CSMD2: variants seen among roughly 807,000 people sequenced by gnomAD.
CSMD2 encodes the protein CUB and sushi domain-containing protein 2.
A neutral mutation model predicts 398.5 loss-of-function variants in CSMD2; 130 were observed. The observed-to-expected ratio is 0.33, with a 90% CI of 0.28 to 0.38. CSMD2 has a LOEUF of 0.38. Ranked by LOEUF, CSMD2 falls within the 10% of genes least tolerant of loss-of-function variation. CSMD2 has a pLI of 1.00. For synonymous variants in CSMD2, 1,828 were observed against 1,908.5 expected, an observed-to-expected ratio of 0.96 and a Z score of 1.10; for missense variants, 3,829 against 4,764.9, an observed-to-expected ratio of 0.80 and a Z score of 5.78.
chr1:33,577,173 T>C (rs780634821), intron 49 of CSMD2, 123 bp downstream of exon 49: 2 of 920,350 alleles, frequency 2.2e-6, no homozygotes, highest in South Asian at 1.8e-5. Flanking sequence ...TAAATGCTTG[T>C]GGAAAGAATG....
rs1557606648 is a variant in CSMD2 at position 33,604,212 on chromosome 1, G to T, written c.6532+1070C>A. On this transcript the variant is annotated intron_variant, in intron 42 of 70. Coordinates refer to ENST00000373381, the MANE Select transcript of CSMD2 (RefSeq NM_001281956.2). Reference sequence around the variant, plus strand: ...AAACAAGGTGTGAGAATGGAAGAAAGCCCAGGATGAGGCTTGTTGCACAGC... The same window carrying T: ...AAACAAGGTGTGAGAATGGAAGAAATCCCAGGATGAGGCTTGTTGCACAGC... Among the ~76,000 whole-genome samples the T allele has an allele frequency of 2.6e-5, 4 of 152,328 alleles. No homozygotes were observed. In the South Asian group the frequency reaches 8.3e-4, roughly 32 times the overall value.
Position 33,716,355 on chromosome 1 carries a change from A to T in CSMD2, c.3148T>A (p.Phe1050Ile), listed in dbSNP as rs1010148664. The T allele has an allele frequency of 6.2e-6, 10 of 1,614,044 alleles. No individual in the cohort carries two copies. Among genetic ancestry groups the T allele is most frequent in the Non-Finnish European group, 8.5e-6 (10 of 1,180,026 alleles). ...APISAGLYGN[F>I]TAQVRFISDF... ...GAGATGAAGCGGACCTGGGCAGTGA[A>T]GTTGCCATAGAGCCCAGCGCTGATG... The change falls in exon 20 of 71, where the codon TTC (phenylalanine) becomes ATC (isoleucine). Residue 1050 changes from phenylalanine (F) to isoleucine (I), a missense_variant. By Grantham distance (21) the Phe-to-Ile change is conservative. This residue lies in a region of CSMD2 where 2,001 missense variants were observed against 2,567.1 expected (regional missense o/e 0.78). Transcript: ENST00000373381.
At chr1:33,913,200 G>A (rs1371816931) in intron 5 of CSMD2, among the ~76,000 whole-genome samples, 1 of 152,184 alleles carries the variant, frequency 6.6e-6, no homozygotes. Context: ...CTTGCCAAGT[G>A]CAGCTCTGGG....
chr1:33,758,139 C>T (rs955171683), intron 13 of CSMD2, among the ~76,000 whole-genome samples: 3 of 152,196 alleles, frequency 2.0e-5, no homozygotes, highest in African/African-American at 4.8e-5. Context: ...CCCCACCCTC[C>T]CCTATTGCAC....
intron 5 of CSMD2, among the ~76,000 whole-genome samples, chr1:33,915,503 C>T (rs1643676954): frequency 6.6e-6 from 1 of 152,176 alleles, no homozygotes; most frequent in East Asian, 1.9e-4. Context: ...AGTGACTCCC[C>T]TAATAATTTC....
At chr1:33,695,206 G>T (rs899777621) in intron 24 of CSMD2, among the ~76,000 whole-genome samples, 5 of 152,108 alleles carry the variant, frequency 3.3e-5, no homozygotes, top group Non-Finnish European at 7.4e-5. Flanking sequence ...TGGAGGCTGG[G>T]GTATGAGATA....
At chr1:33,986,632 T>G (rs1646367503) in intron 3 of CSMD2, among the ~76,000 whole-genome samples, 1 of 152,314 alleles carries the variant, frequency 6.6e-6, no homozygotes, top group South Asian at 2.1e-4. Context: ...ACTTCTGGCC[T>G]CTGTCTGTGC....
rs527303355 is a variant in CSMD2, at chr1:33,832,399, C to CTCCTGAATG, written c.1034-6626_1034-6625insCATTCAGGA. 1.4e-4 allele frequency among the ~76,000 whole-genome samples: 19 copies of CTCCTGAATG among 131,080 alleles called. 2 individuals carry two copies. The highest frequency in any genetic ancestry group is 2.4e-4 in the Non-Finnish European group (15 of 63,606). 86.0% of individuals were successfully genotyped at this position (131,080 alleles called of 152,430 possible). Reference sequence around the variant, plus strand: ...AACTACGTGGAAACTGAACAACCTGCACTGGGTACATAACGAACTGAAGGC... The same window carrying CTCCTGAATG: ...AACTACGTGGAAACTGAACAACCTGCTCCTGAATGACTGGGTACATAACGAACTGAAGGC... On this transcript the variant is annotated intron_variant, in intron 6 of 70. Transcript: ENST00000373381.
At position 33,636,633 on chromosome 1, in the gene CSMD2, A is replaced by C. The variant is rs1642822519; in HGVS notation, c.4775-79T>G. ...CTATTCTTGGGCTCCAGTGCCCATG[A>C]GGAGAACCCGACTTTAATTAGCCAC... On this transcript the variant is annotated intron_variant, in intron 29 of 70. Transcript: ENST00000373381. The surrounding 1 kb of genome is among the most constrained non-coding windows in gnomAD (Gnocchi z 4.8). 5 of 1,241,782 alleles carry C rather than the reference A, an allele frequency of 4.0e-6. No individual in the cohort carries two copies. The highest frequency in any genetic ancestry group is 5.8e-6 in the Non-Finnish European group (5 of 869,026). 76.9% of individuals were successfully genotyped at this position (1,241,782 alleles called of 1,614,324 possible). A position where few individuals can be genotyped will look rare whatever the true frequency, so the allele number is the denominator to read the frequency against.
intron 1 of CSMD2, among the ~76,000 whole-genome samples, chr1:34,131,475 C>G (rs1663343690): frequency 1.3e-5 from 2 of 152,058 alleles, no homozygotes; most frequent in Non-Finnish European, 2.9e-5. Context: ...TAGACCAGAC[C>G]CTGCCTGCTG....
intron 6 of CSMD2, among the ~76,000 whole-genome samples, chr1:33,830,521 C>A (rs985362151): frequency 6.6e-6 from 1 of 152,104 alleles, no homozygotes; most frequent in African/African-American, 2.4e-5. Context: ...ACATCACCAT[C>A]ATCAAAGACC....
intron 5 of CSMD2, among the ~76,000 whole-genome samples, chr1:33,888,636 T>G (rs777523725): frequency 6.6e-6 from 1 of 152,172 alleles, no homozygotes; most frequent in Non-Finnish European, 1.5e-5. Context: ...ATATAAAAAT[T>G]CTGAGAGTTC....
intron 1 of CSMD2, among the ~76,000 whole-genome samples, chr1:34,100,025 A>G (rs1659792584): frequency 6.6e-6 from 1 of 152,238 alleles, no homozygotes; most frequent in Non-Finnish European, 1.5e-5. Flanking sequence ...AGATTTAAAA[A>G]GAGAAAACTG....
intron 6 of CSMD2, among the ~76,000 whole-genome samples, chr1:33,830,601 C>A (rs867503820): frequency 6.6e-6 from 1 of 152,068 alleles, no homozygotes; most frequent in Admixed American, 6.6e-5. Flanking sequence ...AAAAGCAGAG[C>A]GCCTCTCCTC....
intron 1 of CSMD2, among the ~76,000 whole-genome samples, chr1:34,159,558 G>A (rs866314313): frequency 3.3e-5 from 5 of 152,312 alleles, no homozygotes; most frequent in Admixed American, 6.5e-5. Flanking sequence ...AAGATATGGC[G>A]TCAGCCAGGC....
At chr1:33,902,769 G>A (rs1642840181) in intron 5 of CSMD2, among the ~76,000 whole-genome samples, 1 of 152,172 alleles carries the variant, frequency 6.6e-6, no homozygotes, top group Non-Finnish European at 1.5e-5. Flanking sequence ...TACAGATAAG[G>A]CTTAAGAGGG....
intron 2 of CSMD2, among the ~76,000 whole-genome samples, chr1:34,066,294 G>A (rs1039600911): frequency 2.0e-5 from 3 of 152,076 alleles, no homozygotes; most frequent in Admixed American, 6.5e-5. Context: ...ATCAGGAAGC[G>A]CTGTTCCAAA....
chr1:34,105,594 T>C (rs928419777), intron 1 of CSMD2, among the ~76,000 whole-genome samples: 1 of 152,188 alleles, frequency 6.6e-6, no homozygotes, highest in Non-Finnish European at 1.5e-5. Flanking sequence ...CCTTGGAGCC[T>C]CGTGACACCA....
chr1:34,117,463 TAAAA>T (rs914708687), intron 1 of CSMD2, among the ~76,000 whole-genome samples: 1 of 151,982 alleles, frequency 6.6e-6, no homozygotes, highest in Non-Finnish European at 1.5e-5. Context: ...GAATCAGTAA[TAAAA>T]AACCTATCTA....
Sources: gnomAD v4.1 joint callset for allele counts (sites outside exome capture counted in the v4.1 genomes callset) on GRCh38, gnomAD v4.1.1 for gene constraint, gnomAD v4.1.1 regional missense constraint, Gnocchi (gnomAD v3.1) non-coding constraint, MANE v1.5 for transcripts, NCBI Gene and HGNC (gene_info 2026-07-23, HGNC 2026-07-21) for gene names.